The following PTPRD variants were observed in gnomAD, a reference collection of about 807,000 sequenced individuals.
The protein encoded by PTPRD is protein tyrosine phosphatase receptor type D, also known as receptor-type tyrosine-protein phosphatase delta.
In PTPRD, 34 loss-of-function variants were observed where a neutral mutation model predicts 214.5. The observed-to-expected ratio is 0.16, with a 90% CI of 0.12 to 0.21. The LOEUF is 0.21. PTPRD is among the 10% of genes least tolerant of loss of function. The pLI, the probability that PTPRD is intolerant of heterozygous loss-of-function variation, is 1.00. For synonymous variants in PTPRD, 1,128 were observed against 845.7 expected (o/e 1.33, Z -5.79); for missense variants, 2,545 against 2,398.7 (o/e 1.06, Z -1.27).
At chr9:9,911,700 G>C (rs1057488098) in intron 5 of PTPRD, among the ~76,000 whole-genome samples, 1 of 151,700 alleles carries the variant, frequency 6.6e-6, no homozygotes, top group Non-Finnish European at 1.5e-5. Context: ...CAAGTAACTG[G>C]GCTAAATAAC....
chr9:9,446,687 C>A (rs1026435417), intron 8 of PTPRD, among the ~76,000 whole-genome samples: 1 of 152,116 alleles, frequency 6.6e-6, no homozygotes, highest in Non-Finnish European at 1.5e-5. Flanking sequence ...AACTAAAGAG[C>A]TTCTGTACAG....
chr9:10,376,457 T>A (rs2097730649), intron 2 of PTPRD, among the ~76,000 whole-genome samples: 1 of 151,660 alleles, frequency 6.6e-6, no homozygotes, highest in African/African-American at 2.4e-5. Context: ...TAGAGGGGCC[T>A]CAAAATTCAT....
At position 9,115,454 on chromosome 9, in the gene PTPRD, G is replaced by A. The variant is rs961023033; in HGVS notation, c.-143+67850C>T. On this transcript the variant is annotated intron_variant, in intron 10 of 45. Coordinates refer to ENST00000381196, the MANE Select transcript of PTPRD (RefSeq NM_002839.4). ...AGACCACCTTACCCCAGCCAGAATG[G>A]CTTTTACTAAAAAGTAAAAAACAAT... 3.9e-5 allele frequency among the ~76,000 whole-genome samples: 6 copies of A among 152,050 alleles called. 1 individual carries two copies. The highest frequency in any genetic ancestry group is 1.4e-4 in the African/African-American group (6 of 41,408).
At position 8,843,509 on chromosome 9, in the gene PTPRD, T is replaced by C. The variant is rs539691443; in HGVS notation, c.-103-109563A>G. 3.3e-5 allele frequency among the ~76,000 whole-genome samples: 5 copies of C among 152,348 alleles called. No individual in the cohort carries two copies. The South Asian group carries it at 1.0e-3, about 32-fold the overall frequency. ...TTAGTGCAACACGGGAAACGTTCTA[T>C]GTCGGTGCTGGTTCTATATCATGGC... On this transcript the variant is annotated intron_variant, in intron 11 of 45. Coordinates refer to ENST00000381196, the MANE Select transcript of PTPRD (RefSeq NM_002839.4).
intron 12 of PTPRD, among the ~76,000 whole-genome samples, chr9:8,648,161 G>C (rs1232996372): frequency 6.6e-6 from 1 of 152,202 alleles, no homozygotes; most frequent in East Asian, 1.9e-4. Context: ...ATGTTTGAGG[G>C]AAATTTGTCA....
chr9:10,319,288 C>T (rs948677961), intron 3 of PTPRD, among the ~76,000 whole-genome samples: 2 of 151,960 alleles, frequency 1.3e-5, no homozygotes, highest in African/African-American at 4.8e-5. Context: ...ACAGTCTTCT[C>T]CTCTGCAGAT....
chr9:8,780,605 A>G (rs2095656167), intron 11 of PTPRD, among the ~76,000 whole-genome samples: 1 of 152,192 alleles, frequency 6.6e-6, no homozygotes, highest in African/African-American at 2.4e-5. Flanking sequence ...GAGGTACCCG[A>G]AGCAACCCCA....
At chr9:10,223,437 G>A (rs1294241974) in intron 3 of PTPRD, among the ~76,000 whole-genome samples, 1 of 151,866 alleles carries the variant, frequency 6.6e-6, no homozygotes, top group African/African-American at 2.4e-5. Context: ...TTCTGAGGCG[G>A]GCAGATCACT....
intron 35 of PTPRD, among the ~76,000 whole-genome samples, chr9:8,421,161 T>A (rs1257760230): frequency 6.6e-6 from 1 of 152,124 alleles, no homozygotes; most frequent in Non-Finnish European, 1.5e-5. Flanking sequence ...TCTCTATATA[T>A]CATGTGACTA....
chr9:10,121,844 G>A (rs754123612), intron 3 of PTPRD, among the ~76,000 whole-genome samples: 1 of 152,108 alleles, frequency 6.6e-6, no homozygotes, highest in Non-Finnish European at 1.5e-5. Context: ...GATTGAGGGT[G>A]AAGTGTGACA....
intron 10 of PTPRD, among the ~76,000 whole-genome samples, chr9:9,037,530 C>T (rs2099625792): frequency 1.3e-5 from 2 of 152,112 alleles, no homozygotes; most frequent in African/African-American, 4.8e-5. Flanking sequence ...GGTAAAACTT[C>T]CGTGCTGTGC....
chr9:9,695,912 T>C (rs890598680), intron 7 of PTPRD, among the ~76,000 whole-genome samples: 1 of 152,184 alleles, frequency 6.6e-6, no homozygotes, highest in African/African-American at 2.4e-5. Context: ...GCAGTTCTTA[T>C]AAAATAATTT....
chr9:8,977,511 C>T (rs2099274556), intron 11 of PTPRD, among the ~76,000 whole-genome samples: 1 of 152,028 alleles, frequency 6.6e-6, no homozygotes, highest in Admixed American at 6.6e-5. Context: ...TTGAAACTAT[C>T]AATTCTTTAT....
intron 14 of PTPRD, among the ~76,000 whole-genome samples, chr9:8,537,158 A>G (rs1315624425): frequency 6.6e-6 from 1 of 152,040 alleles, no homozygotes; most frequent in African/African-American, 2.4e-5. Context: ...AGTGAATTGA[A>G]TAAGGGACTG....
At chr9:9,381,832 C>T (rs1171330184) in intron 9 of PTPRD, among the ~76,000 whole-genome samples, 1 of 150,222 alleles carries the variant, frequency 6.7e-6, no homozygotes, top group Non-Finnish European at 1.5e-5. Flanking sequence ...TCTTTTTTTC[C>T]CCAAGATTGC....
intron 10 of PTPRD, among the ~76,000 whole-genome samples, chr9:9,074,282 A>T (rs2099747836): frequency 1.3e-5 from 2 of 152,142 alleles, no homozygotes; most frequent in African/African-American, 4.8e-5. Context: ...CATGAAGAAT[A>T]ATTGAAAAGA....
chr9:9,787,833 G>A (rs1285829002), intron 5 of PTPRD, among the ~76,000 whole-genome samples: 1 of 151,668 alleles, frequency 6.6e-6, no homozygotes, highest in East Asian at 1.9e-4. Context: ...CCAGGCTGGA[G>A]TGCAATGGCG....
chr9:10,542,485 A>C lies in PTPRD; in HGVS notation c.-600+69913T>G, dbSNP rs138555700. ...ACATAGTTATAAATACATTTTGTTGAATTTTAAAAACATGCTCATATCTGA... is the reference window on the plus strand; with the variant it reads ...ACATAGTTATAAATACATTTTGTTGCATTTTAAAAACATGCTCATATCTGA... On this transcript the variant is annotated intron_variant, in intron 2 of 45. Transcript: ENST00000381196. Among the ~76,000 whole-genome samples, 9 of 152,294 alleles carry C rather than the reference A, an allele frequency of 5.9e-5. No individual in the cohort carries two copies. The East Asian group carries it at 1.7e-3, about 29-fold the overall frequency.
At chr9:8,331,102 A>ATTTTTCTTTTCTGATATAGCAACAAT (rs61232380) in intron 44 of PTPRD, among the ~76,000 whole-genome samples, 1 of 151,846 alleles carries the variant, frequency 6.6e-6, no homozygotes, top group African/African-American at 2.4e-5. Context: ...TATAGCAACA[A>ATTTTTCTTTTCTGATATAGCAACAAT]TTTTCAAGCA....
Sources: gnomAD v4.1 joint callset for allele counts (sites outside exome capture counted in the v4.1 genomes callset) on GRCh38, gnomAD v4.1.1 for gene constraint, MANE v1.5 for transcripts, NCBI Gene and HGNC (gene_info 2026-07-23, HGNC 2026-07-21) for gene names.